CNTN5: variants seen among roughly 807,000 people sequenced by gnomAD.
CNTN5 encodes contactin 5.
A neutral mutation model predicts 129.1 loss-of-function variants in CNTN5; 77 were observed. The observed-to-expected ratio is 0.60, with a 90% CI of 0.50 to 0.72. CNTN5 has a LOEUF of 0.72. Among genes scored for constraint, CNTN5 ranks in the 30% least tolerant of loss-of-function variants. CNTN5 has a pLI of 0.00. For missense variants in CNTN5, 1,478 were observed against 1,328.8 expected (o/e 1.11, Z -1.75); for synonymous variants, 509 against 465.6 (o/e 1.09, Z -1.20).
At chr11:99,775,553 CAGGT>C (rs1359894371) in intron 3 of CNTN5, among the ~76,000 whole-genome samples, 1 of 151,858 alleles carries the variant, frequency 6.6e-6, no homozygotes, top group Admixed American at 6.6e-5. Context: ...AAGAAAGAAA[CAGGT>C]AGATAATTAC....
chr11:99,609,316 A>T (rs1950526257), intron 3 of CNTN5, among the ~76,000 whole-genome samples: 1 of 152,168 alleles, frequency 6.6e-6, no homozygotes, highest in African/African-American at 2.4e-5. Context: ...CTGAGCAAGG[A>T]TACACAGACC....
intron 1 of CNTN5, among the ~76,000 whole-genome samples, chr11:99,258,642 A>G (rs1460566266): frequency 6.6e-6 from 1 of 152,060 alleles, no homozygotes. Flanking sequence ...ACCACATGTA[A>G]TAAACTCATT....
intron 9 of CNTN5, among the ~76,000 whole-genome samples, chr11:100,031,647 A>G (rs1038534457): frequency 1.6e-4 from 25 of 152,136 alleles, no homozygotes; most frequent in African/African-American, 5.3e-4. Flanking sequence ...TTTTGCTGCA[A>G]CTGTTACTGC....
At chr11:99,445,896 A>T (rs1190049578) in intron 2 of CNTN5, among the ~76,000 whole-genome samples, 2 of 151,806 alleles carry the variant, frequency 1.3e-5, no homozygotes, top group Admixed American at 6.6e-5. Context: ...CTAGCCTGAC[A>T]AACATGGTGA....
At chr11:99,294,223 CTT>C (rs1167164429) in intron 1 of CNTN5, among the ~76,000 whole-genome samples, 1 of 152,064 alleles carries the variant, frequency 6.6e-6, no homozygotes, top group Non-Finnish European at 1.5e-5. Context: ...CAAAGTTTCT[CTT>C]GTTTGTGCCC....
In CNTN5 at chr11:99,721,513, C is replaced by T. The variant is rs1943172241; in HGVS notation, c.56-98031C>T. The stretch of plus-strand genomic sequence containing the variant: ...TGGATTAAAGACTTAAATGTAAAAC[C>T]CCAAGCTATAAAAACCCTGGAAGAC... On this transcript the variant is annotated intron_variant, in intron 3 of 24. Coordinates refer to ENST00000524871, the MANE Select transcript of CNTN5 (RefSeq NM_014361.4). Among the ~76,000 whole-genome samples, 2 of 152,040 alleles carry T rather than the reference C, an allele frequency of 1.3e-5. 1 individual carries two copies. Among genetic ancestry groups the T allele is most frequent in the South Asian group, 4.1e-4 (2 of 4,832 alleles).
intron 1 of CNTN5, among the ~76,000 whole-genome samples, chr11:99,148,046 C>T (rs1381435627): frequency 3.3e-5 from 5 of 151,998 alleles, no homozygotes; most frequent in Admixed American, 6.6e-5. Context: ...AAACATCATG[C>T]TTCATATTTT....
At chr11:99,162,286 T>TC (rs11404042) in intron 1 of CNTN5, among the ~76,000 whole-genome samples, 1 of 151,948 alleles carries the variant, frequency 6.6e-6, no homozygotes, top group Non-Finnish European at 1.5e-5. Flanking sequence ...GTTTTTTTTT[T>TC]CTTTTCATTG....
chr11:100,127,230 G>A (rs1234898340), intron 13 of CNTN5, among the ~76,000 whole-genome samples: 1 of 149,646 alleles, frequency 6.7e-6, no homozygotes, highest in Non-Finnish European at 1.5e-5. Flanking sequence ...ATGAGCCACA[G>A]CACCCAGCTG....
chr11:99,245,113 C>G (rs1042473615), intron 1 of CNTN5, among the ~76,000 whole-genome samples: 1 of 152,102 alleles, frequency 6.6e-6, no homozygotes, highest in African/African-American at 2.4e-5. Context: ...CACTGTCAAA[C>G]TGCACACACT....
intron 17 of CNTN5, among the ~76,000 whole-genome samples, chr11:100,265,469 T>C (rs1318113702): frequency 6.6e-6 from 1 of 152,134 alleles, no homozygotes; most frequent in Non-Finnish European, 1.5e-5. Context: ...CACTAGGTCA[T>C]GGGCCTTTTG....
intron 3 of CNTN5, among the ~76,000 whole-genome samples, chr11:99,595,588 A>G (rs998051344): frequency 6.6e-6 from 1 of 152,136 alleles, no homozygotes; most frequent in Admixed American, 6.6e-5. Flanking sequence ...TGCCACAGGA[A>G]TCAGGAACAT....
intron 1 of CNTN5, among the ~76,000 whole-genome samples, chr11:99,201,730 T>G (rs1009172465): frequency 7.2e-5 from 11 of 152,128 alleles, no homozygotes; most frequent in Non-Finnish European, 1.6e-4. Context: ...GCACAGAGGA[T>G]TCAACACTGC....
intron 4 of CNTN5, among the ~76,000 whole-genome samples, chr11:99,824,042 A>T (rs1347461763): frequency 6.6e-6 from 1 of 152,036 alleles, no homozygotes; most frequent in Non-Finnish European, 1.5e-5. Context: ...CTAGGACTCA[A>T]TTACAGTTTC....
intron 2 of CNTN5, among the ~76,000 whole-genome samples, chr11:99,529,102 CA>C (rs1261273997): frequency 1.3e-5 from 2 of 151,820 alleles, no homozygotes; most frequent in East Asian, 1.9e-4. Context: ...AACAAAACCA[CA>C]AAAAAGAAAG....
intron 2 of CNTN5, among the ~76,000 whole-genome samples, chr11:99,381,174 AC>A (rs1940535958): frequency 6.6e-6 from 1 of 151,836 alleles, no homozygotes; most frequent in Non-Finnish European, 1.5e-5. Context: ...AAAAAAACAA[AC>A]CAAATTTCTA....
chr11:99,311,464 C>A (rs1440086893), intron 1 of CNTN5, among the ~76,000 whole-genome samples: 1 of 151,998 alleles, frequency 6.6e-6, no homozygotes, highest in Non-Finnish European at 1.5e-5. Flanking sequence ...AGGACAATTT[C>A]CAGAGATTTC....
intron 9 of CNTN5, among the ~76,000 whole-genome samples, chr11:100,050,437 G>C (rs974480193): frequency 1.6e-4 from 25 of 151,652 alleles, no homozygotes; most frequent in Non-Finnish European, 2.5e-4. Context: ...AGAACACATG[G>C]ACACAGGAAG....
chr11:99,855,609 A>G (rs1948008226), intron 6 of CNTN5, among the ~76,000 whole-genome samples: 1 of 152,288 alleles, frequency 6.6e-6, no homozygotes. Context: ...CATCTAGAGG[A>G]TGAGGCTGAA....
Sources: allele counts gnomAD v4.1 joint callset (sites outside exome capture counted in the v4.1 genomes callset), GRCh38; gene constraint gnomAD v4.1.1; transcripts MANE v1.5; gene names NCBI Gene and HGNC (gene_info 2026-07-23, HGNC 2026-07-21).